The following HS3ST4 variants were observed in gnomAD, a reference collection of about 807,000 sequenced individuals.
HS3ST4 encodes heparan sulfate-glucosamine 3-sulfotransferase 4.
Under a neutral mutation model 29.2 loss-of-function variants are expected in HS3ST4, and 17 were observed. The observed-to-expected ratio is 0.58, with a 90% CI of 0.40 to 0.87. HS3ST4 has a LOEUF of 0.87. HS3ST4 is among the 40% of genes least tolerant of loss of function. The probability of loss-of-function intolerance (pLI) is 0.00; values close to 1 mark genes in which losing one functional copy is unlikely to be tolerated. For synonymous variants in HS3ST4, 314 were observed against 285.7 expected, an observed-to-expected ratio of 1.10 and a Z score of -1.00; for missense variants, 627 against 634.5, an observed-to-expected ratio of 0.99 and a Z score of 0.13.
chr16:26,120,637 A>T (rs1426882882), intron 1 of HS3ST4, among the ~76,000 whole-genome samples: 1 of 152,242 alleles, frequency 6.6e-6, no homozygotes, highest in South Asian at 2.1e-4. Flanking sequence ...GACACCTGTC[A>T]TGTATATGGA....
chr16:25,727,904 T>C (rs1404601439), intron 1 of HS3ST4, among the ~76,000 whole-genome samples: 1 of 152,206 alleles, frequency 6.6e-6, no homozygotes, highest in Non-Finnish European at 1.5e-5. Context: ...GTGGAAATAC[T>C]GGGGTGAGCT....
chr16:26,116,511 A>G (rs1427460665), intron 1 of HS3ST4, among the ~76,000 whole-genome samples: 1 of 152,210 alleles, frequency 6.6e-6, no homozygotes, highest in African/African-American at 2.4e-5. Context: ...ATTTATTGAT[A>G]TACAGTTTCT....
intron 1 of HS3ST4, among the ~76,000 whole-genome samples, chr16:25,996,988 C>T (rs1398249541): frequency 6.6e-6 from 1 of 152,046 alleles, no homozygotes; most frequent in Non-Finnish European, 1.5e-5. Context: ...GTATTTTTAG[C>T]TTTTATCATG....
chr16:26,056,213 A>G (rs759291345), intron 1 of HS3ST4, among the ~76,000 whole-genome samples: 2 of 152,156 alleles, frequency 1.3e-5, no homozygotes, highest in Non-Finnish European at 2.9e-5. Context: ...ATCCTTGTCA[A>G]TTTCTATCAA....
chr16:26,117,687 A>C (rs896628800), intron 1 of HS3ST4, among the ~76,000 whole-genome samples: 8 of 152,222 alleles, frequency 5.3e-5, no homozygotes, highest in Non-Finnish European at 8.8e-5. Flanking sequence ...CCGGAGCCCA[A>C]GCCCTGCTTA....
chr16:25,792,612 C>A (rs1966871637), intron 1 of HS3ST4, among the ~76,000 whole-genome samples: 1 of 151,786 alleles, frequency 6.6e-6, no homozygotes, highest in Non-Finnish European at 1.5e-5. Flanking sequence ...CTTATGCTAC[C>A]TTTAAAATAT....
intron 1 of HS3ST4, among the ~76,000 whole-genome samples, chr16:26,086,423 C>T (rs1466132493): frequency 6.6e-6 from 1 of 151,708 alleles, no homozygotes; most frequent in Non-Finnish European, 1.5e-5. Flanking sequence ...GATCTCGGCT[C>T]ACTGCAAGCT....
At chr16:25,815,339 A>G (rs964872807) in intron 1 of HS3ST4, among the ~76,000 whole-genome samples, 4 of 152,212 alleles carry the variant, frequency 2.6e-5, no homozygotes, top group African/African-American at 9.6e-5. Flanking sequence ...CACAAAGGAA[A>G]TATTTTTCAA....
intron 1 of HS3ST4, among the ~76,000 whole-genome samples, chr16:26,079,684 G>A (rs1461362181): frequency 6.6e-6 from 1 of 152,198 alleles, no homozygotes; most frequent in Non-Finnish European, 1.5e-5. Context: ...GCAAGGATTT[G>A]AACTGAGGCA....
intron 1 of HS3ST4, among the ~76,000 whole-genome samples, chr16:26,049,982 G>C (rs1328510982): frequency 1.8e-4 from 28 of 152,146 alleles, no homozygotes; most frequent in Non-Finnish European, 1.5e-5. Flanking sequence ...CTGTCCAGCT[G>C]TCCATGAGCC....
intron 1 of HS3ST4, among the ~76,000 whole-genome samples, chr16:25,713,123 A>G (rs990672419): frequency 2.6e-5 from 4 of 152,220 alleles, no homozygotes; most frequent in Middle Eastern, 3.4e-3. Flanking sequence ...GTATGTATAC[A>G]TGTGCCATGG....
At chr16:25,797,590 CT>C (rs1966893952) in intron 1 of HS3ST4, among the ~76,000 whole-genome samples, 1 of 152,170 alleles carries the variant, frequency 6.6e-6, no homozygotes, top group South Asian at 2.1e-4. Context: ...ATTAATACCT[CT>C]TGACCATTCC....
chr16:25,851,881 T>G (rs1044645118), intron 1 of HS3ST4, among the ~76,000 whole-genome samples: 1 of 144,870 alleles, frequency 6.9e-6, no homozygotes, highest in African/African-American at 2.6e-5. Context: ...CTTTCGAAGT[T>G]ATTAATGGAT....
At chr16:26,109,718 GTT>G (rs56102785) in intron 1 of HS3ST4, among the ~76,000 whole-genome samples, 83,775 of 147,136 alleles carry the variant, frequency 0.57, 24,064 homozygotes, top group Non-Finnish European at 0.64. Context: ...TATACTCACT[GTT>G]TTTTTTTTTT....
At chr16:25,804,784 T>C (rs1048248718) in intron 1 of HS3ST4, among the ~76,000 whole-genome samples, 6 of 152,126 alleles carry the variant, frequency 3.9e-5, no homozygotes, top group South Asian at 2.1e-4. Flanking sequence ...CCTTAGGCCA[T>C]TGGGAGCCTT....
At chr16:26,042,548 C>G (rs892205398) in intron 1 of HS3ST4, among the ~76,000 whole-genome samples, 1 of 152,174 alleles carries the variant, frequency 6.6e-6, no homozygotes, top group Non-Finnish European at 1.5e-5. Context: ...TGGCGATTAC[C>G]CGGGCTACCG....
chr16:26,065,141 A>G (rs1008029952), intron 1 of HS3ST4, among the ~76,000 whole-genome samples: 26 of 152,258 alleles, frequency 1.7e-4, no homozygotes, highest in African/African-American at 6.0e-4. Flanking sequence ...CCAAAGGAAT[A>G]TAAAACATAC....
intron 1 of HS3ST4, among the ~76,000 whole-genome samples, chr16:25,906,842 G>A (rs1366165643): frequency 2.0e-5 from 3 of 152,118 alleles, no homozygotes; most frequent in Non-Finnish European, 4.4e-5. Flanking sequence ...CTAATAAACT[G>A]CCAACAATTT....
chr16:25,714,784 G>C (rs1966440862), intron 1 of HS3ST4, among the ~76,000 whole-genome samples: 1 of 152,180 alleles, frequency 6.6e-6, no homozygotes, highest in Non-Finnish European at 1.5e-5. Context: ...TTTCCATGGG[G>C]TTGGGTCATG....
Sources: gnomAD v4.1 joint callset for allele counts (sites outside exome capture counted in the v4.1 genomes callset) on GRCh38, gnomAD v4.1.1 for gene constraint, MANE v1.5 for transcripts, NCBI Gene and HGNC (gene_info 2026-07-23, HGNC 2026-07-21) for gene names.